PPFIA2: variants seen among roughly 807,000 people sequenced by gnomAD.
The protein encoded by PPFIA2 is liprin-alpha-2.
PPFIA2 carries 46 observed loss-of-function variants against 175.5 expected under a neutral mutation model. That is an observed-to-expected ratio of 0.26 (90% CI 0.21 to 0.34). The LOEUF is 0.34. PPFIA2 is among the 10% of genes least tolerant of loss of function. PPFIA2 has a pLI of 1.00. For missense variants in PPFIA2, 1,179 were observed against 1,506.1 expected (o/e 0.78, Z 3.60); for synonymous variants, 568 against 511.4 (o/e 1.11, Z -1.49).
intron 15 of PPFIA2, among the ~76,000 whole-genome samples, chr12:81,362,429 C>A (rs2031178163): frequency 6.6e-6 from 1 of 151,102 alleles, no homozygotes; most frequent in African/African-American, 2.4e-5. Context: ...AATTAAGAAT[C>A]TTTTAATATA....
intron 4 of PPFIA2, among the ~76,000 whole-genome samples, chr12:81,546,733 T>C (rs2153357118): frequency 6.6e-6 from 1 of 152,162 alleles, no homozygotes; most frequent in Non-Finnish European, 1.5e-5. Context: ...CTTACCTCTT[T>C]TTTTTTTTAA....
intron 23 of PPFIA2, chr12:81,298,239 C>A (rs1345927528): frequency 6.6e-6 from 1 of 152,154 alleles, no homozygotes; most frequent in Non-Finnish European, 1.5e-5. Context: ...TTGAAAGAAG[C>A]AGCTGATCGC....
At chr12:81,523,550 C>G (rs1276720582) in intron 4 of PPFIA2, among the ~76,000 whole-genome samples, 3 of 152,112 alleles carry the variant, frequency 2.0e-5, no homozygotes, top group Admixed American at 6.6e-5. Context: ...TTATTGAATA[C>G]TCCATCCTTT....
chr12:81,381,536 G>A (rs1595859523), intron 9 of PPFIA2, among the ~76,000 whole-genome samples: 1 of 152,150 alleles, frequency 6.6e-6, no homozygotes, highest in Non-Finnish European at 1.5e-5. Context: ...AGGGCCAAGA[G>A]AATGAAGATG....
intron 3 of PPFIA2, among the ~76,000 whole-genome samples, chr12:81,682,324 C>A (rs2073788094): frequency 6.6e-6 from 1 of 152,010 alleles, no homozygotes; most frequent in South Asian, 2.1e-4. Flanking sequence ...GAAATAAAAT[C>A]TGCAAACACC....
rs551651589 is a variant in PPFIA2, at chr12:81,369,696, A to T, written c.1267-502T>A. 3.5e-4 allele frequency among the ~76,000 whole-genome samples: 53 copies of T among 151,852 alleles called. 1 individual carries two copies. The highest frequency in any genetic ancestry group is 6.8e-3 in the Middle Eastern group (2 of 294). On this transcript the variant is annotated intron_variant, in intron 11 of 32. Transcript: ENST00000549396. ...TGATAATCATCAGATGAGGTAGAAG[A>T]GGTTGGATCAGACTAACGAGTCAAG...
chr12:81,579,163 T>C (rs2074036708), intron 4 of PPFIA2, among the ~76,000 whole-genome samples: 1 of 151,770 alleles, frequency 6.6e-6, no homozygotes, highest in South Asian at 2.1e-4. Flanking sequence ...TTCGAACTTT[T>C]ATAAAAGCAA....
chr12:81,323,624 C>A (rs1433307023), intron 22 of PPFIA2, among the ~76,000 whole-genome samples: 1 of 151,616 alleles, frequency 6.6e-6, no homozygotes, highest in Admixed American at 6.6e-5. Flanking sequence ...TTGGAAAAAT[C>A]CAAGAATAGG....
chr12:81,575,208 G>A (rs2073292146), intron 4 of PPFIA2, among the ~76,000 whole-genome samples: 1 of 151,734 alleles, frequency 6.6e-6, no homozygotes, highest in Non-Finnish European at 1.5e-5. Flanking sequence ...ATCCACAATG[G>A]AAATAGTTTC....
chr12:81,651,669 A>G (rs1454812587), intron 4 of PPFIA2, among the ~76,000 whole-genome samples: 1 of 152,122 alleles, frequency 6.6e-6, no homozygotes, highest in African/African-American at 2.4e-5. Context: ...AAATCCTCAC[A>G]TAACAGTGAA....
chr12:81,299,205 G>A, intron 23 of PPFIA2, 96 bp downstream of exon 23: 1 of 1,453,678 alleles, frequency 6.9e-7, no homozygotes. Flanking sequence ...AGACTAAGGG[G>A]ATGCTGTGAT....
At chr12:81,501,829 A>G (rs2060628359) in intron 4 of PPFIA2, among the ~76,000 whole-genome samples, 1 of 152,164 alleles carries the variant, frequency 6.6e-6, no homozygotes, top group African/African-American at 2.4e-5. Flanking sequence ...GGCATATGTA[A>G]TGCTCCTAAC....
chr12:81,492,384 T>G (rs1234315148), intron 4 of PPFIA2, among the ~76,000 whole-genome samples: 3 of 152,068 alleles, frequency 2.0e-5, no homozygotes, highest in African/African-American at 7.2e-5. Flanking sequence ...CCTAGGGAGC[T>G]TACATCCTTG....
At chr12:81,431,722 T>C (rs912379461) in intron 7 of PPFIA2, among the ~76,000 whole-genome samples, 1 of 152,150 alleles carries the variant, frequency 6.6e-6, no homozygotes, top group Non-Finnish European at 1.5e-5. Flanking sequence ...ACCTTGACCA[T>C]CTAATACATT....
At chr12:81,559,442 T>C (rs7952836) in intron 4 of PPFIA2, among the ~76,000 whole-genome samples, 40,519 of 152,186 alleles carry the variant, frequency 0.27, 5,852 homozygotes, top group African/African-American at 0.37. Flanking sequence ...AATTTTATTT[T>C]GTTGTATTCT....
At chr12:81,615,016 G>T (rs575549045) in intron 4 of PPFIA2, among the ~76,000 whole-genome samples, 1 of 152,210 alleles carries the variant, frequency 6.6e-6, no homozygotes, top group South Asian at 2.1e-4. Flanking sequence ...GTGTGACACG[G>T]ATTTTAAATC....
At chr12:81,440,133 A>G in intron 6 of PPFIA2, 87 bp from the exon 7 acceptor site, 1 of 979,706 alleles carries the variant, frequency 1.0e-6, no homozygotes, top group Non-Finnish European at 1.5e-6. Context: ...CATCAGAGAC[A>G]GTCAATTTGG....
At chr12:81,497,256 C>T (rs971514720) in intron 4 of PPFIA2, among the ~76,000 whole-genome samples, 1 of 152,058 alleles carries the variant, frequency 6.6e-6, no homozygotes, top group Non-Finnish European at 1.5e-5. Context: ...AGCAATTGCA[C>T]CAAGCCCACA....
chr12:81,711,394 T>C (rs2077892974), intron 3 of PPFIA2, among the ~76,000 whole-genome samples: 2 of 151,172 alleles, frequency 1.3e-5, no homozygotes, highest in Non-Finnish European at 2.9e-5. Flanking sequence ...AGAAATGAAA[T>C]GCCAAGATTT....
Sources: gnomAD v4.1 joint callset for allele counts (sites outside exome capture counted in the v4.1 genomes callset) on GRCh38, gnomAD v4.1.1 for gene constraint, MANE v1.5 for transcripts, NCBI Gene and HGNC (gene_info 2026-07-23, HGNC 2026-07-21) for gene names.